SHB: variants seen among roughly 807,000 people sequenced by gnomAD.
SHB encodes the protein SH2 domain-containing adapter protein B.
In SHB, 20 loss-of-function variants were observed where a neutral mutation model predicts 52.3. The observed-to-expected ratio is 0.38, with a 90% CI of 0.27 to 0.56. SHB has a LOEUF of 0.56. Ranked by LOEUF, SHB falls within the 20% of genes least tolerant of loss-of-function variation. The pLI is 0.71. For synonymous variants in SHB, 397 were observed against 316.5 expected (o/e 1.25, Z -2.70); for missense variants, 825 against 723.3 (o/e 1.14, Z -1.61).
intron 3 of SHB, among the ~76,000 whole-genome samples, chr9:37,968,366 T>C (rs1033634564): frequency 6.6e-6 from 1 of 152,224 alleles, no homozygotes; most frequent in Non-Finnish European, 1.5e-5. Flanking sequence ...GGAGCCGGCA[T>C]GTGAACTTGG....
At position 38,069,028 on chromosome 9, in the gene SHB, T is replaced by C. The variant is rs990873066; in HGVS notation, c.-383A>G. The C allele has an allele frequency of 2.0e-5, 3 of 151,406 alleles. No individual in the cohort carries two copies. Among genetic ancestry groups the C allele is most frequent in the Admixed American group, 2.0e-4 (3 of 15,252 alleles). The allele number at this position is 151,406 out of a possible 1,614,324, so 9.4% of individuals were successfully genotyped here. A position where few individuals can be genotyped will look rare whatever the true frequency, so the allele number is the denominator to read the frequency against. ...CCCGTCGGAGCCGCAGCCTCCGCCT[T>C]GGCCGGGATCCGCGGCTGCCGCGGG... On this transcript the variant is annotated 5_prime_UTR_variant, in exon 1 of 6. Coordinates refer to ENST00000377707, the MANE Select transcript of SHB (RefSeq NM_003028.3).
At chr9:38,033,999 G>A (rs974914439) in intron 1 of SHB, among the ~76,000 whole-genome samples, 10 of 152,186 alleles carry the variant, frequency 6.6e-5, no homozygotes, top group Non-Finnish European at 1.2e-4. Context: ...GAATGAGCTC[G>A]GGTAATAACG....
intron 1 of SHB, among the ~76,000 whole-genome samples, chr9:38,037,149 G>A (rs1006598667): frequency 6.6e-6 from 1 of 152,150 alleles, no homozygotes. Flanking sequence ...CTCTTTTCCC[G>A]GAGAAGAATC....
chr9:38,007,826 A>T (rs1451477646), intron 2 of SHB, among the ~76,000 whole-genome samples: 1 of 152,146 alleles, frequency 6.6e-6, no homozygotes, highest in African/African-American at 2.4e-5. Flanking sequence ...TTAAGGAACA[A>T]CATCAGAGAG....
At chr9:38,051,073 C>A (rs901148359) in intron 1 of SHB, among the ~76,000 whole-genome samples, 1 of 152,208 alleles carries the variant, frequency 6.6e-6, no homozygotes, top group Non-Finnish European at 1.5e-5. Context: ...AGAAAAGTTT[C>A]TCTGCCTTTT....
At chr9:38,022,365 A>G (rs949649656) in intron 1 of SHB, among the ~76,000 whole-genome samples, 7 of 152,190 alleles carry the variant, frequency 4.6e-5, no homozygotes, top group African/African-American at 1.7e-4. Flanking sequence ...TTCAACACTC[A>G]TTATTCACCT....
intron 5 of SHB, among the ~76,000 whole-genome samples, chr9:37,944,453 G>C (rs562160711): frequency 6.6e-6 from 1 of 152,282 alleles, no homozygotes; most frequent in Admixed American, 6.5e-5. Context: ...GAGTAAATGG[G>C]TCTCAAACAC....
chr9:37,981,866 T>C (rs1820731141), intron 2 of SHB, among the ~76,000 whole-genome samples: 2 of 152,190 alleles, frequency 1.3e-5, no homozygotes, highest in South Asian at 2.1e-4. Context: ...ATAACATTTA[T>C]TAAGTTCGCC....
intron 1 of SHB, among the ~76,000 whole-genome samples, chr9:38,057,042 C>T (rs913268541): frequency 1.3e-5 from 2 of 152,192 alleles, no homozygotes; most frequent in African/African-American, 4.8e-5. Context: ...AAGTATGTAT[C>T]AGACTTTTTA....
intron 4 of SHB, among the ~76,000 whole-genome samples, chr9:37,953,916 C>T (rs1004478944): frequency 1.3e-5 from 2 of 152,146 alleles, no homozygotes; most frequent in Admixed American, 6.5e-5. Context: ...AAAAGCCAGT[C>T]ATGCCTCTGG....
rs950183885 is a variant in SHB at position 37,923,241 on chromosome 9, G to A, written c.1347-3237C>T. On this transcript the variant is annotated intron_variant, in intron 5 of 5. Transcript: ENST00000377707. ...CAGGCAGAGGGGGCGGATGAGAGGC[G>A]TCAGACTCTGAGCAAACATCCCCTC... 4.6e-5 allele frequency among the ~76,000 whole-genome samples: 7 copies of A among 152,322 alleles called. No individual in the cohort carries two copies. The East Asian group carries it at 1.2e-3, about 25-fold the overall frequency.
At chr9:37,925,141 C>T (rs1297417551) in intron 5 of SHB, among the ~76,000 whole-genome samples, 1 of 152,268 alleles carries the variant, frequency 6.6e-6, no homozygotes, top group Non-Finnish European at 1.5e-5. Flanking sequence ...TCCATCCATC[C>T]ATCCATCCAC....
intron 5 of SHB, among the ~76,000 whole-genome samples, chr9:37,930,134 A>C (rs1371224469): frequency 6.6e-6 from 1 of 152,180 alleles, no homozygotes; most frequent in Admixed American, 6.5e-5. Flanking sequence ...CTAAACAGGA[A>C]ACTGGTCATA....
intron 4 of SHB, among the ~76,000 whole-genome samples, chr9:37,954,916 G>A (rs10732358): frequency 0.56 from 84,687 of 151,670 alleles, 23,746 homozygotes; most frequent in East Asian, 0.82. Flanking sequence ...TAAAGGGCCC[G>A]GCCCTGCACA....
intron 1 of SHB, among the ~76,000 whole-genome samples, chr9:38,042,747 C>T (rs1295584730): frequency 6.6e-6 from 1 of 152,214 alleles, no homozygotes; most frequent in African/African-American, 2.4e-5. Context: ...CCTGGCCAAG[C>T]ATGGGCTTTC....
At chr9:38,035,968 A>C (rs1821481222) in intron 1 of SHB, among the ~76,000 whole-genome samples, 1 of 152,144 alleles carries the variant, frequency 6.6e-6, no homozygotes, top group Non-Finnish European at 1.5e-5. Flanking sequence ...TCTCCAGCAG[A>C]AACAGGCGCG....
chr9:37,984,497 A>G (rs954450334), intron 2 of SHB, among the ~76,000 whole-genome samples: 2 of 152,204 alleles, frequency 1.3e-5, no homozygotes, highest in Non-Finnish European at 2.9e-5. Flanking sequence ...AGGGGAAGGG[A>G]AGAAAGTCAC....
chr9:37,986,041 G>GT (rs1379186323), intron 2 of SHB, among the ~76,000 whole-genome samples: 1 of 152,232 alleles, frequency 6.6e-6, no homozygotes, highest in Admixed American at 6.5e-5. Flanking sequence ...CTAGAGTGGT[G>GT]TATGTACCAG....
At chr9:37,952,911 G>A (rs1400047966) in intron 4 of SHB, among the ~76,000 whole-genome samples, 15 of 152,042 alleles carry the variant, frequency 9.9e-5, no homozygotes, top group Admixed American at 7.2e-4. Flanking sequence ...GCAACTGGAC[G>A]TAGGAGTCAG....
Sources: allele counts gnomAD v4.1 joint callset (sites outside exome capture counted in the v4.1 genomes callset), GRCh38; gene constraint gnomAD v4.1.1; transcripts MANE v1.5; gene names NCBI Gene and HGNC (gene_info 2026-07-23, HGNC 2026-07-21).